XKR4: variants seen among roughly 807,000 people sequenced by gnomAD.
XKR4 encodes the protein XK related 4.
XKR4 carries 12 observed loss-of-function variants against 53.9 expected under a neutral mutation model. That is an observed-to-expected ratio of 0.22 (90% CI 0.14 to 0.36). The LOEUF (loss-of-function observed/expected upper bound fraction) is 0.36. XKR4 is among the 10% of genes least tolerant of loss of function. The pLI is 1.00. For missense variants in XKR4, 799 were observed against 859.5 expected (o/e 0.93, Z 0.88); for synonymous variants, 354 against 362.4 (o/e 0.98, Z 0.26).
intron 1 of XKR4, among the ~76,000 whole-genome samples, chr8:55,246,432 A>G (rs1489148295): frequency 6.6e-6 from 1 of 152,198 alleles, no homozygotes; most frequent in Non-Finnish European, 1.5e-5. Context: ...AAAGGGATTA[A>G]AGAACATCTT....
At chr8:55,466,243 T>G (rs1805766073) in intron 2 of XKR4, among the ~76,000 whole-genome samples, 1 of 152,066 alleles carries the variant, frequency 6.6e-6, no homozygotes, top group South Asian at 2.1e-4. Context: ...AACCCAAATG[T>G]CCATCAATGA....
intron 2 of XKR4, among the ~76,000 whole-genome samples, chr8:55,472,664 A>G (rs1027623616): frequency 6.6e-6 from 1 of 152,056 alleles, no homozygotes; most frequent in Non-Finnish European, 1.5e-5. Flanking sequence ...GCGCACTGTC[A>G]TATTCCAGAG....
chr8:55,159,451 A>G (rs1816955050), intron 1 of XKR4, among the ~76,000 whole-genome samples: 2 of 152,220 alleles, frequency 1.3e-5, no homozygotes, highest in Non-Finnish European at 1.5e-5. Flanking sequence ...ACGTGCTATA[A>G]AAACAGAAAG....
chr8:55,192,354 C>A (rs1056596077), intron 1 of XKR4, among the ~76,000 whole-genome samples: 2 of 151,676 alleles, frequency 1.3e-5, no homozygotes, highest in African/African-American at 4.8e-5. Flanking sequence ...AAAAAAATGG[C>A]CACACTGATG....
chr8:55,376,956 A>T (rs1231861296), intron 2 of XKR4, among the ~76,000 whole-genome samples: 1 of 149,038 alleles, frequency 6.7e-6, no homozygotes, highest in Non-Finnish European at 1.5e-5. Context: ...ACACACACTC[A>T]CACACACACA....
At chr8:55,332,282 T>G (rs1436824038) in intron 1 of XKR4, among the ~76,000 whole-genome samples, 2 of 152,174 alleles carry the variant, frequency 1.3e-5, no homozygotes, top group African/African-American at 4.8e-5. Context: ...TAACATACAT[T>G]CATGTTATTT....
In XKR4 at chr8:55,527,274, C is replaced by T. The variant is rs772943025; in HGVS notation, c.*3047C>T. 3.3e-5 allele frequency: 5 copies of T among 152,246 alleles called. No individual in the cohort carries two copies. The highest frequency in any genetic ancestry group is 1.9e-4 in the East Asian group (1 of 5,188). 9.4% of individuals were successfully genotyped at this position (152,246 alleles called of 1,614,324 possible). A position where few individuals can be genotyped will look rare whatever the true frequency, so the allele number is the denominator to read the frequency against. On this transcript the variant is annotated 3_prime_UTR_variant, in exon 3 of 3. Coordinates refer to ENST00000327381, the MANE Select transcript of XKR4 (RefSeq NM_052898.2). ...CTTTTCAATCTGCCATTAAACCCTC[C>T]GCAGACAGTAACTGGAGAATCCCAA...
intron 1 of XKR4, among the ~76,000 whole-genome samples, chr8:55,251,019 G>T (rs1366829932): frequency 1.3e-5 from 2 of 152,280 alleles, no homozygotes; most frequent in African/African-American, 2.4e-5. Flanking sequence ...ATCCAACAGG[G>T]ACGAAGTACA....
At chr8:55,461,314 A>G (rs1250494400) in intron 2 of XKR4, among the ~76,000 whole-genome samples, 5 of 152,178 alleles carry the variant, frequency 3.3e-5, no homozygotes, top group African/African-American at 1.2e-4. Flanking sequence ...TTTGCAATTC[A>G]CCAATATCTA....
At chr8:55,145,430 C>CA (rs3048693) in intron 1 of XKR4, among the ~76,000 whole-genome samples, 42,772 of 149,694 alleles carry the variant, frequency 0.29, 6,169 homozygotes, top group East Asian at 0.37. Flanking sequence ...AATTTTTTCT[C>CA]AAAAAAAAAA....
intron 2 of XKR4, among the ~76,000 whole-genome samples, chr8:55,412,396 T>C (rs1283917470): frequency 1.3e-5 from 2 of 152,210 alleles, no homozygotes; most frequent in African/African-American, 4.8e-5. Flanking sequence ...GGGGAAAATA[T>C]GGCTTTGCTT....
chr8:55,260,648 G>T (rs567202648), intron 1 of XKR4, among the ~76,000 whole-genome samples: 1 of 152,326 alleles, frequency 6.6e-6, no homozygotes, highest in African/African-American at 2.4e-5. Flanking sequence ...GGGTTTTATA[G>T]ACAGGCTTGA....
At chr8:55,238,744 G>C (rs1195115858) in intron 1 of XKR4, among the ~76,000 whole-genome samples, 1 of 152,136 alleles carries the variant, frequency 6.6e-6, no homozygotes, top group Non-Finnish European at 1.5e-5. Flanking sequence ...AATTAAAAGT[G>C]GGTCCCAGTC....
At chr8:55,152,692 A>T (rs7836922) in intron 1 of XKR4, among the ~76,000 whole-genome samples, 31,316 of 152,200 alleles carry the variant, frequency 0.21, 3,385 homozygotes, top group East Asian at 0.25. Flanking sequence ...AAACACCAAG[A>T]TAACTGATTA....
intron 2 of XKR4, among the ~76,000 whole-genome samples, chr8:55,438,187 G>T (rs1230658433): frequency 6.6e-6 from 1 of 152,024 alleles, no homozygotes; most frequent in East Asian, 1.9e-4. Flanking sequence ...CAATTCAAAG[G>T]GGAACACCTA....
intron 2 of XKR4, among the ~76,000 whole-genome samples, chr8:55,412,540 G>A (rs1804791344): frequency 6.6e-6 from 1 of 152,162 alleles, no homozygotes; most frequent in Non-Finnish European, 1.5e-5. Flanking sequence ...TTTGCTTGAT[G>A]CACACTGCCC....
intron 2 of XKR4, among the ~76,000 whole-genome samples, chr8:55,462,234 G>T (rs1805670253): frequency 6.6e-6 from 1 of 152,186 alleles, no homozygotes; most frequent in Non-Finnish European, 1.5e-5. Flanking sequence ...GAAAGGTCGG[G>T]TTACCCACAA....
intron 2 of XKR4, among the ~76,000 whole-genome samples, chr8:55,496,593 A>T (rs914895438): frequency 1.3e-5 from 2 of 152,240 alleles, no homozygotes; most frequent in Non-Finnish European, 2.9e-5. Flanking sequence ...CTGCAATTAC[A>T]GGCAACTTTG....
In XKR4 at chr8:55,221,653, C is replaced by A. The variant is rs534662015; in HGVS notation, c.806+118359C>A. On this transcript the variant is annotated intron_variant, in intron 1 of 2. Coordinates refer to ENST00000327381, the MANE Select transcript of XKR4 (RefSeq NM_052898.2). ...GAGCTCAGGAAGTTCCCTCTCCCAC[C>A]CCCATCGCTCTCTTCAGCAACCTCC... 1.1e-4 allele frequency among the ~76,000 whole-genome samples: 16 copies of A among 152,276 alleles called. No individual in the cohort carries two copies. In the South Asian group the frequency reaches 3.3e-3, roughly 32 times the overall value.
Sources: allele counts gnomAD v4.1 joint callset (sites outside exome capture counted in the v4.1 genomes callset), GRCh38; gene constraint gnomAD v4.1.1; transcripts MANE v1.5; gene names NCBI Gene and HGNC (gene_info 2026-07-23, HGNC 2026-07-21).